CD3G: variants seen among roughly 807,000 people sequenced by gnomAD.
The protein encoded by CD3G is T-cell surface glycoprotein CD3 gamma chain.
Under a neutral mutation model 28.3 loss-of-function variants are expected in CD3G, and 24 were observed. That is an observed-to-expected ratio of 0.85 (90% CI 0.61 to 1.19). The LOEUF (loss-of-function observed/expected upper bound fraction) is 1.19, where lower values mean the gene tolerates loss of function less well. CD3G is among the 50% of genes most tolerant of loss of function. The probability of loss-of-function intolerance (pLI) is 0.00; values close to 1 mark genes in which losing one functional copy is unlikely to be tolerated. For missense variants in CD3G, 211 were observed against 210.0 expected (o/e 1.00, Z -0.03); for synonymous variants, 71 against 75.9 (o/e 0.93, Z 0.34).
In CD3G at chr11:118,349,754, G is replaced by A; in HGVS notation, c.91G>A (p.Val31Ile). 2.5e-6 allele frequency: 4 copies of A among 1,613,640 alleles called. No homozygotes were observed. The highest frequency in any genetic ancestry group is 3.4e-6 in the Non-Finnish European group (4 of 1,179,600). The change falls in exon 3 of 7, where the codon GTT becomes ATT. Residue 31 changes from valine to isoleucine, a missense_variant. Coordinates refer to ENST00000532917, the MANE Select transcript of CD3G (RefSeq NM_000073.3). ...LAQSIKGNHL[V>I]KVYDYQEDGS... ...TTTTCTCATTTCAGGAAACCACTTG[G>A]TTAAGGTGTATGACTATCAAGAAGA...
In CD3G at chr11:118,355,142, ATAAAT is replaced by A. The variant is rs1014651353; in HGVS notation, c.*2044_*2048del. 4 of 152,068 alleles carry A rather than the reference ATAAAT, an allele frequency of 2.6e-5. No homozygotes were observed. The highest frequency in any genetic ancestry group is 4.1e-4 in the South Asian group (2 of 4,830). 9.4% of individuals were successfully genotyped at this position (152,068 alleles called of 1,614,324 possible). On this transcript the variant is annotated 3_prime_UTR_variant, in exon 7 of 7. Coordinates refer to ENST00000532917, the MANE Select transcript of CD3G (RefSeq NM_000073.3). Reference sequence around the variant, plus strand: ...ATAAGACTATTTGTAACAAACACAAATAAATTGAATTGTTGGGCACTTGTATTTGC... The same window carrying A: ...ATAAGACTATTTGTAACAAACACAAATGAATTGTTGGGCACTTGTATTTGC...
intron 1 of CD3G, among the ~76,000 whole-genome samples, chr11:118,345,886 T>C (rs527471318): frequency 1.3e-5 from 2 of 152,038 alleles, no homozygotes; most frequent in Non-Finnish European, 2.9e-5. Context: ...TGATGACCGG[T>C]TGGGAGACTT....
chr11:118,346,103 C>T (rs1175786844), intron 1 of CD3G, among the ~76,000 whole-genome samples: 1 of 152,136 alleles, frequency 6.6e-6, no homozygotes, highest in Non-Finnish European at 1.5e-5. Context: ...TTGAACAACT[C>T]CTCCACTGTC....
At chr11:118,348,113 A>G (rs545857265) in intron 1 of CD3G, among the ~76,000 whole-genome samples, 3 of 152,314 alleles carry the variant, frequency 2.0e-5, no homozygotes, top group Admixed American at 2.0e-4. Flanking sequence ...TCTGGACTGG[A>G]TAGGCAATAT....
Position 118,351,687 on chromosome 11 carries a change from A to T in CD3G, c.483+16A>T. 6.2e-7 allele frequency: 1 copy of T among 1,613,134 alleles called. No homozygotes were observed. The highest frequency in any genetic ancestry group is 8.5e-7 in the Non-Finnish European group (1 of 1,179,128). The stretch of plus-strand genomic sequence containing the variant: ...GCTCTACCAGGTAAGGGGATGAAGA[A>T]TAAAAGAGACATTGCTGTAATTAGT... On this transcript the variant is annotated intron_variant, in intron 5 of 6. Coordinates refer to ENST00000532917, the MANE Select transcript of CD3G (RefSeq NM_000073.3).
Position 118,350,587 on chromosome 11 carries a change from A to G in CD3G, c.343A>G (p.Ile115Val). 2 of 1,614,050 alleles carry G rather than the reference A, an allele frequency of 1.2e-6. No individual in the cohort carries two copies. The highest frequency in any genetic ancestry group is 1.7e-6 in the Non-Finnish European group (2 of 1,179,988). ...QNCIELNAAT[I>V]SGFLFAEIVS... ...CTGCATTGAACTAAATGCAGCCACC[A>G]TATCTGGCTTTCTCTTTGCTGAAAT... Residue 115 changes from isoleucine to valine, a missense_variant, in exon 4 of 7, where the codon ATA becomes GTA. Coordinates refer to ENST00000532917, the MANE Select transcript of CD3G (RefSeq NM_000073.3).
At chr11:118,350,858 T>C in intron 4 of CD3G, 175 bp downstream of exon 4, 1 of 1,356,934 alleles carries the variant, frequency 7.4e-7, no homozygotes, top group Non-Finnish European at 9.6e-7. Context: ...TCACAGCATG[T>C]TCACCTGTCT....
chr11:118,347,413 A>G (rs1402068169), intron 1 of CD3G, among the ~76,000 whole-genome samples: 1 of 152,196 alleles, frequency 6.6e-6, no homozygotes, highest in East Asian at 1.9e-4. Flanking sequence ...AATTAATTGC[A>G]TATATGTTTT....
chr11:118,353,918 A>G lies in CD3G; in HGVS notation c.*818A>G, dbSNP rs1948430361. On this transcript the variant is annotated 3_prime_UTR_variant, in exon 7 of 7. Coordinates refer to ENST00000532917, the MANE Select transcript of CD3G (RefSeq NM_000073.3). ...AGTACATATTATCCTCCCTTCCCCTATCTTTTAGACAAATGATATCAAACT... is the reference window on the plus strand; with the variant it reads ...AGTACATATTATCCTCCCTTCCCCTGTCTTTTAGACAAATGATATCAAACT... 6.6e-6 allele frequency: 1 copy of G among 152,128 alleles called. No individual in the cohort carries two copies. The highest frequency in any genetic ancestry group is 1.5e-5 in the Non-Finnish European group (1 of 68,016). The allele number at this position is 152,128 out of a possible 1,614,324, so 9.4% of individuals were successfully genotyped here.
intron 2 of CD3G, chr11:118,349,319 G>A: frequency 1.4e-6 from 2 of 1,396,072 alleles, no homozygotes; most frequent in Non-Finnish European, 1.9e-6. Flanking sequence ...CCATGAACCA[G>A]TAGGTATTGG....
intron 4 of CD3G, 127 bp downstream of exon 4, chr11:118,350,810 G>C (rs896959856): frequency 1.0e-5 from 15 of 1,498,772 alleles, no homozygotes; most frequent in Non-Finnish European, 1.3e-5. Flanking sequence ...GGGTGAGGCT[G>C]TATTTCTCTG....
rs950215148 is a variant in CD3G, at chr11:118,344,627, A to C, written c.55+149A>C. On this transcript the variant is annotated intron_variant, in intron 1 of 6. Coordinates refer to ENST00000532917, the MANE Select transcript of CD3G (RefSeq NM_000073.3). The stretch of plus-strand genomic sequence containing the variant: ...AAGAAGGGCAAAATGGAGGCTCTTA[A>C]CTGTTCTCTGCTAGAGAGAAACAGT... 5.6e-6 allele frequency: 4 copies of C among 716,300 alleles called. No homozygotes were observed. The African/African-American group carries it at 7.0e-5, about 13-fold the overall frequency. 44.4% of individuals were successfully genotyped at this position (716,300 alleles called of 1,614,324 possible).
intron 3 of CD3G, chr11:118,350,228 T>A (rs1345379626): frequency 1.0e-5 from 6 of 573,886 alleles, no homozygotes; most frequent in Non-Finnish European, 1.9e-5. Flanking sequence ...CTGAGTTGAA[T>A]GAAGGGGTTG....
At chr11:118,348,682 T>C (rs556900569) in intron 1 of CD3G, among the ~76,000 whole-genome samples, 1 of 152,316 alleles carries the variant, frequency 6.6e-6, no homozygotes, top group East Asian at 1.9e-4. Flanking sequence ...TCTTACCATA[T>C]GGTTGGTCTT....
At chr11:118,348,983 A>G (rs1176305610) in intron 1 of CD3G, 44 bp from the exon 2 acceptor site, 1 of 1,609,334 alleles carries the variant, frequency 6.2e-7, no homozygotes, top group Non-Finnish European at 8.5e-7. Context: ...CATCTGAACA[A>G]CTCCATGCCC....
chr11:118,344,347 C>A lies in CD3G; in HGVS notation c.-77C>A. ...CCCAACAGTGATGGGTGGAGCCAGTCTAGCTGCTGCACAGGCTGGCTGGCT... is the reference window on the plus strand; with the variant it reads ...CCCAACAGTGATGGGTGGAGCCAGTATAGCTGCTGCACAGGCTGGCTGGCT... On this transcript the variant is annotated 5_prime_UTR_variant, in exon 1 of 7. Coordinates refer to ENST00000532917, the MANE Select transcript of CD3G (RefSeq NM_000073.3). 1 of 1,305,500 alleles carries A rather than the reference C, an allele frequency of 7.7e-7. No homozygotes were observed. Among genetic ancestry groups the A allele is most frequent in the South Asian group, 1.3e-5 (1 of 78,808 alleles). The allele number at this position is 1,305,500 out of a possible 1,614,324, so 80.9% of individuals were successfully genotyped here.
chr11:118,345,899 A>G (rs1948351406), intron 1 of CD3G, among the ~76,000 whole-genome samples: 1 of 152,252 alleles, frequency 6.6e-6, no homozygotes, highest in Admixed American at 6.5e-5. Flanking sequence ...GGAGACTTGA[A>G]GAGGACAGTG....
intron 1 of CD3G, among the ~76,000 whole-genome samples, chr11:118,347,289 C>T (rs934808117): frequency 1.3e-5 from 2 of 152,158 alleles, no homozygotes; most frequent in South Asian, 4.1e-4. Context: ...AGACAAATGT[C>T]GTTTCCTCTA....
rs1281806848 is a variant in CD3G, at chr11:118,354,807, CTTATT to C, written c.*1709_*1713del. On this transcript the variant is annotated 3_prime_UTR_variant, in exon 7 of 7. Transcript: ENST00000532917. ...AATCTTTTGCCCATTTTTAAGTTGACTTATTTGTTTGTCTTCTTACTATTGGGTTG... is the reference window on the plus strand; with the variant it reads ...AATCTTTTGCCCATTTTTAAGTTGACTGTTTGTCTTCTTACTATTGGGTTG... The C allele has an allele frequency of 6.6e-6, 1 of 151,832 alleles. No homozygotes were observed. Among genetic ancestry groups the C allele is most frequent in the African/African-American group, 2.4e-5 (1 of 41,344 alleles). 9.4% of individuals were successfully genotyped at this position (151,832 alleles called of 1,614,324 possible).
Sources: allele counts gnomAD v4.1 joint callset (sites outside exome capture counted in the v4.1 genomes callset), GRCh38; gene constraint gnomAD v4.1.1; transcripts MANE v1.5; gene names NCBI Gene and HGNC (gene_info 2026-07-23, HGNC 2026-07-21).